The following IRS2 variants were observed in gnomAD, a reference collection of about 807,000 sequenced individuals.
IRS2 encodes insulin receptor substrate 2.
A neutral mutation model predicts 70.9 loss-of-function variants in IRS2; 28 were observed. The observed-to-expected ratio is 0.39, with a 90% CI of 0.29 to 0.54. The LOEUF is 0.54. Ranked by LOEUF, IRS2 falls within the 20% of genes least tolerant of loss-of-function variation. The pLI, the probability that IRS2 is intolerant of heterozygous loss-of-function variation, is 0.59. For missense variants in IRS2, 2,081 were observed against 2,024.1 expected, an observed-to-expected ratio of 1.03 and a Z score of -0.54; for synonymous variants, 1,217 against 981.9, an observed-to-expected ratio of 1.24 and a Z score of -4.48.
intron 1 of IRS2, among the ~76,000 whole-genome samples, chr13:109,768,646 T>C (rs1338959748): frequency 6.6e-6 from 1 of 152,188 alleles, no homozygotes; most frequent in Non-Finnish European, 1.5e-5. Context: ...GCACGGGGCA[T>C]CCCGCCTCAA....
Position 109,782,810 on chromosome 13 carries a change from T to C in IRS2, c.3244A>G (p.Thr1082Ala). The change falls in exon 1 of 2, where the codon ACC becomes GCC. Residue 1082 changes from threonine to alanine, a missense_variant. Thr to Ala is a moderately conservative substitution (Grantham distance 58). Coordinates refer to ENST00000375856, the MANE Select transcript of IRS2 (RefSeq NM_003749.3). ...GGGGCCGCGATAGGTTGCGGCGGGGTGGCGGCCACACCAAAAGCCATCTCG... is the reference window on the plus strand; with the variant it reads ...GGGGCCGCGATAGGTTGCGGCGGGGCGGCGGCCACACCAAAAGCCATCTCG... ...YTEMAFGVAA[T>A]PPQPIAAPPK... 2 of 1,542,456 alleles carry C rather than the reference T, an allele frequency of 1.3e-6. No homozygotes were observed. The highest frequency in any genetic ancestry group is 1.7e-6 in the Non-Finnish European group (2 of 1,147,084).
chr13:109,754,392 C>G lies in IRS2; in HGVS notation c.*1912G>C. 4.8e-6 allele frequency: 1 copy of G among 210,160 alleles called. No homozygotes were observed. The highest frequency in any genetic ancestry group is 9.7e-6 in the Non-Finnish European group (1 of 103,568). 13.0% of individuals were successfully genotyped at this position (210,160 alleles called of 1,614,324 possible). On this transcript the variant is annotated 3_prime_UTR_variant, in exon 2 of 2. Transcript: ENST00000375856. ...TCATGACTACTCTACGGATAGAGGG[C>G]GAGTTAAATATGCGTCAATACACTG...
intron 1 of IRS2, among the ~76,000 whole-genome samples, chr13:109,761,639 T>C (rs962278329): frequency 2.0e-5 from 3 of 149,642 alleles, no homozygotes; most frequent in South Asian, 2.1e-4. Context: ...CCAGAGATTC[T>C]AGGAAAAACG....
chr13:109,784,872 C>T lies in IRS2; in HGVS notation c.1182G>A (p.Pro394=), dbSNP rs1247523195. Residue 394 remains proline (P), a synonymous_variant, in exon 1 of 2, where the codon CCG becomes CCA. Transcript: ENST00000375856. The surrounding 1 kb of genome is among the most constrained non-coding windows in gnomAD (Gnocchi z 5.2). ...SVAGSPLSPG[P]VRAPLSRSHT... ...GCGAGCGGCTCAGGGGCGCGCGCAC[C>T]GGCCCGGGGCTCAGGGGGCTCCCAG... 1.8e-6 allele frequency: 2 copies of T among 1,118,930 alleles called. No individual in the cohort carries two copies. Among genetic ancestry groups the T allele is most frequent in the South Asian group, 3.9e-5 (1 of 25,462 alleles). The allele number at this position is 1,118,930 out of a possible 1,614,324, so 69.3% of individuals were successfully genotyped here.
chr13:109,759,759 G>T (rs568153118), intron 1 of IRS2, among the ~76,000 whole-genome samples: 1 of 152,042 alleles, frequency 6.6e-6, no homozygotes. Context: ...GGCTCAGGAG[G>T]GCTCTCTGTA....
At position 109,783,692 on chromosome 13, in the gene IRS2, G is replaced by C. The variant is rs777328184; in HGVS notation, c.2362C>G (p.Leu788Val). Residue 788 changes from leucine (L) to valine (V), a missense_variant, in exon 1 of 2, where the codon CTG becomes GTG. Leu to Val is a conservative substitution (Grantham distance 32). Transcript: ENST00000375856. ...GTPPDFFSAA[L>V]HPGGEPLRGV... ...CTGAGCGGCTCCCCGCCGGGGTGCA[G>C]GGCTGCGGAGAAGAAGTCGGGCGGG... 6 of 1,563,012 alleles carry C rather than the reference G, an allele frequency of 3.8e-6. No homozygotes were observed. Among genetic ancestry groups the C allele is most frequent in the Non-Finnish European group, 5.2e-6 (6 of 1,153,850 alleles).
chr13:109,772,974 C>T (rs528465939), intron 1 of IRS2, among the ~76,000 whole-genome samples: 1 of 152,246 alleles, frequency 6.6e-6, no homozygotes, highest in East Asian at 1.9e-4. Context: ...GGATTACAGG[C>T]GTGAGCCACC....
At chr13:109,776,232 A>G (rs1877575335) in intron 1 of IRS2, among the ~76,000 whole-genome samples, 1 of 152,226 alleles carries the variant, frequency 6.6e-6, no homozygotes, top group Non-Finnish European at 1.5e-5. Flanking sequence ...TCGTGGGTCA[A>G]AATATTTGAT....
rs946536275 is a variant in IRS2 at position 109,783,578 on chromosome 13, T to C, written c.2476A>G (p.Met826Val). The change falls in exon 1 of 2, where the codon ATG becomes GTG. Residue 826 changes from methionine to valine, a missense_variant. This residue lies in a region of IRS2 where 1,615 missense variants were observed against 1,459.5 expected (regional missense o/e 1.11). Coordinates refer to ENST00000375856, the MANE Select transcript of IRS2 (RefSeq NM_003749.3). ...AGGATGCGCCCCACGGGGGAGCTCATGAGCACGTACTGGTCGCTGTCCCCG... is the reference window on the plus strand; with the variant it reads ...AGGATGCGCCCCACGGGGGAGCTCACGAGCACGTACTGGTCGCTGTCCCCG... ...CGGDSDQYVL[M>V]SSPVGRILEE... 10 of 1,548,876 alleles carry C rather than the reference T, an allele frequency of 6.5e-6. No homozygotes were observed. Among genetic ancestry groups the C allele is most frequent in the Non-Finnish European group, 8.7e-6 (10 of 1,145,990 alleles).
chr13:109,781,693 C>T (rs1877706171), intron 1 of IRS2, among the ~76,000 whole-genome samples: 1 of 152,146 alleles, frequency 6.6e-6, no homozygotes, highest in African/African-American at 2.4e-5. Context: ...CGGATGAAGA[C>T]AGTCGGGTGC....
rs1453553820 is a variant in IRS2 at position 109,783,894 on chromosome 13, G to A, written c.2160C>T (p.Phe720=). The A allele has an allele frequency of 1.3e-6, 2 of 1,547,368 alleles. No individual in the cohort carries two copies. Among genetic ancestry groups the A allele is most frequent in the East Asian group, 2.4e-5 (1 of 40,892 alleles). Residue 720 remains phenylalanine (F), a synonymous_variant, in exon 1 of 2, where the codon TTC becomes TTT. Coordinates refer to ENST00000375856, the MANE Select transcript of IRS2 (RefSeq NM_003749.3). ...CCTTGTAGCCGCCCCCGCTCGCCGG[G>A]AATGTCCTGCCCGCCGCAGAGGTGG... ...PAPTSAAGRT[F]PASGGGYKAS... is the part of the protein sequence containing the mutation.
rs1021989202 is a variant in IRS2 at position 109,753,603 on chromosome 13, T to G, written c.*2701A>C. The G allele has an allele frequency of 8.4e-5, 14 of 165,896 alleles. No homozygotes were observed. The highest frequency in any genetic ancestry group is 1.8e-4 in the Non-Finnish European group (14 of 75,924). 10.3% of individuals were successfully genotyped at this position (165,896 alleles called of 1,614,324 possible). ...ATGGCATCCAGCACGTCATAAGGAC[T>G]CTGTTTTGTAGAGTACATCGAATGT... On this transcript the variant is annotated 3_prime_UTR_variant, in exon 2 of 2. Transcript: ENST00000375856.
rs1460657655 is a variant in IRS2, at chr13:109,786,262, G to A, written c.-209C>T. On this transcript the variant is annotated 5_prime_UTR_variant, in exon 1 of 2. Coordinates refer to ENST00000375856, the MANE Select transcript of IRS2 (RefSeq NM_003749.3). This position sits in a 1 kb window ranked among gnomAD's most constrained non-coding sequence, Gnocchi z 4.4. ...GCGGCGCCGCGCCCTCCGCGCTCTG[G>A]GGCTCCTGAGGATGCCCGGCGCGGG... The A allele has an allele frequency of 2.0e-5, 3 of 153,684 alleles. No individual in the cohort carries two copies. The highest frequency in any genetic ancestry group is 7.3e-5 in the African/African-American group (3 of 41,062). The allele number at this position is 153,684 out of a possible 1,614,324, so 9.5% of individuals were successfully genotyped here. A position where few individuals can be genotyped will look rare whatever the true frequency, so the allele number is the denominator to read the frequency against.
rs778529083 is a variant in IRS2, at chr13:109,782,033, C to T, written c.4012+9G>A. 8 of 1,612,026 alleles carry T rather than the reference C, an allele frequency of 5.0e-6. No individual in the cohort carries two copies. The highest frequency in any genetic ancestry group is 1.3e-5 in the African/African-American group (1 of 75,046). On this transcript the variant is annotated intron_variant, in intron 1 of 1. Transcript: ENST00000375856. ...TCCCGCCAGACGCCAAGGCAAAGGG[C>T]CTCCTCACCTTTCACGATGGTGGCC...
intron 1 of IRS2, among the ~76,000 whole-genome samples, chr13:109,767,184 G>C (rs1323493361): frequency 6.6e-6 from 1 of 152,120 alleles, no homozygotes; most frequent in Non-Finnish European, 1.5e-5. Context: ...TTCAGAGTGA[G>C]GACAGGCCCC....
chr13:109,779,893 C>A (rs1877659710), intron 1 of IRS2, among the ~76,000 whole-genome samples: 1 of 152,172 alleles, frequency 6.6e-6, no homozygotes, highest in Admixed American at 6.5e-5. Context: ...AAATCTTAAA[C>A]AAAAGCTCAA....
chr13:109,783,723 C>A lies in IRS2; in HGVS notation c.2331G>T (p.Thr777=), dbSNP rs1177596435. ...CGGAGAAGAAGTCGGGCGGGGTGCC[C>A]GTGGTGACCGCGTCGCTGGGGGACA... The part of the protein sequence containing the change: ...LNVSPSDAVT[T]GTPPDFFSAA... The change falls in exon 1 of 2, where the codon ACG becomes ACT. Residue 777 remains threonine (T), a synonymous_variant. Coordinates refer to ENST00000375856, the MANE Select transcript of IRS2 (RefSeq NM_003749.3). 1 of 1,577,086 alleles carries A rather than the reference C, an allele frequency of 6.3e-7. No individual in the cohort carries two copies. Among genetic ancestry groups the A allele is most frequent in the East Asian group, 2.3e-5 (1 of 42,628 alleles).
At chr13:109,778,663 T>C (rs1877631946) in intron 1 of IRS2, among the ~76,000 whole-genome samples, 2 of 152,212 alleles carry the variant, frequency 1.3e-5, no homozygotes, top group South Asian at 4.1e-4. Context: ...TATTGTCCCT[T>C]TGGAAACATA....
At chr13:109,764,925 C>A (rs1877303385) in intron 1 of IRS2, among the ~76,000 whole-genome samples, 1 of 152,226 alleles carries the variant, frequency 6.6e-6, no homozygotes, top group Admixed American at 6.5e-5. Flanking sequence ...TAACTCTAGG[C>A]CATTTAAAGC....
Sources: allele counts gnomAD v4.1 joint callset (sites outside exome capture counted in the v4.1 genomes callset), GRCh38; gene constraint gnomAD v4.1.1; regional missense constraint gnomAD v4.1.1; non-coding constraint Gnocchi (gnomAD v3.1); transcripts MANE v1.5; gene names NCBI Gene and HGNC (gene_info 2026-07-23, HGNC 2026-07-21).